DDX20: variants seen among roughly 807,000 people sequenced by gnomAD.
DDX20 encodes DEAD-box helicase 20, also known as probable ATP-dependent RNA helicase DDX20.
A neutral mutation model predicts 76.4 loss-of-function variants in DDX20; 61 were observed. The ratio of observed to expected loss-of-function variants is 0.80; its 90% CI spans 0.65 to 0.99. DDX20 has a LOEUF of 0.99. Ranked by LOEUF, DDX20 falls within the 50% of genes least tolerant of loss-of-function variation. The pLI, the probability that DDX20 is intolerant of heterozygous loss-of-function variation, is 0.00. For synonymous variants in DDX20, 357 were observed against 357.4 expected (o/e 1.00, Z 0.01); for missense variants, 976 against 996.8 (o/e 0.98, Z 0.28).
chr1:111,765,496 T>G (rs1663760419), intron 10 of DDX20, among the ~76,000 whole-genome samples: 1 of 152,144 alleles, frequency 6.6e-6, no homozygotes, highest in Non-Finnish European at 1.5e-5. Flanking sequence ...CTTTTTCTAG[T>G]GAGAGTGAGG....
chr1:111,760,275 G>A (rs550985011), intron 3 of DDX20, 199 bp from the exon 4 acceptor site: 23 of 457,032 alleles, frequency 5.0e-5, no homozygotes, highest in Middle Eastern at 1.1e-3. Flanking sequence ...GTGATGAAAC[G>A]TGAGGGGAAA....
chr1:111,760,864 A>G lies in DDX20; in HGVS notation c.823+16A>G. The G allele has an allele frequency of 6.3e-7, 1 of 1,598,704 alleles. No homozygotes were observed. The highest frequency in any genetic ancestry group is 8.5e-7 in the Non-Finnish European group (1 of 1,173,962). ...AGTCTCATAGGTGTGTACAGCTTTT[A>G]GGTACTTATATTATTGGTTTATTTG... On this transcript the variant is annotated intron_variant, in intron 5 of 10. Coordinates refer to ENST00000369702, the MANE Select transcript of DDX20 (RefSeq NM_007204.5).
Position 111,766,886 on chromosome 1 carries a change from A to C in DDX20, c.2462A>C (p.His821Pro). 6.2e-7 allele frequency: 1 copy of C among 1,608,826 alleles called. No individual in the cohort carries two copies. The highest frequency in any genetic ancestry group is 8.5e-7 in the Non-Finnish European group (1 of 1,177,948). ...MNTIYLQEMM[H>P]SNQ ...ACCATTTATCTACAAGAAATGATGC[A>C]TAGTAACCAGTGATTATAGGATATA... The change falls in exon 11 of 11, where the codon CAT (histidine) becomes CCT (proline). Residue 821 changes from histidine (H) to proline (P), a missense_variant. His to Pro is a moderately conservative substitution (Grantham distance 77). This residue lies in a region of DDX20 where 630 missense variants were observed against 693.7 expected (regional missense o/e 0.91). Transcript: ENST00000369702.
At chr1:111,758,630 G>C (rs1336396907) in intron 2 of DDX20, among the ~76,000 whole-genome samples, 1 of 151,770 alleles carries the variant, frequency 6.6e-6, no homozygotes, top group South Asian at 2.1e-4. Context: ...GCTTCCCCAG[G>C]GGTCATATAG....
In DDX20 at chr1:111,767,979, A is replaced by G. The variant is rs1261584716; in HGVS notation, c.*1080A>G. 1 of 152,226 alleles carries G rather than the reference A, an allele frequency of 6.6e-6. No individual in the cohort carries two copies. The allele number at this position is 152,226 out of a possible 1,614,324, so 9.4% of individuals were successfully genotyped here. A position where few individuals can be genotyped will look rare whatever the true frequency, so the allele number is the denominator to read the frequency against. On this transcript the variant is annotated 3_prime_UTR_variant, in exon 11 of 11. Coordinates refer to ENST00000369702, the MANE Select transcript of DDX20 (RefSeq NM_007204.5). ...GATGCATCTGTAAATTACGATTTAGAAAAATATAATTGGAAATTACATATT... is the reference window on the plus strand; with the variant it reads ...GATGCATCTGTAAATTACGATTTAGGAAAATATAATTGGAAATTACATATT...
At chr1:111,762,827 G>GATCTATA in intron 9 of DDX20, 45 bp downstream of exon 9, 1 of 1,498,426 alleles carries the variant, frequency 6.7e-7, no homozygotes, top group Non-Finnish European at 9.2e-7. Context: ...TAAGGGGAGG[G>GATCTATA]ATCTATAATG....
Position 111,762,937 on chromosome 1 carries a change from C to G in DDX20, c.1242C>G (p.Cys414Trp), listed in dbSNP as rs142254105. The change falls in exon 10 of 11, where the codon TGC becomes TGG. Residue 414 changes from cysteine (C) to tryptophan (W), a missense_variant. Coordinates refer to ENST00000369702, the MANE Select transcript of DDX20 (RefSeq NM_007204.5). Reference protein sequence around the residue: ...GTLGLTVTYCCRGEEENMMMR... With the variant: ...GTLGLTVTYCWRGEEENMMMR... Reference sequence around the variant, plus strand: ...TGGGGCTGACAGTGACCTACTGTTGCCGGGGAGAGGAAGAAAATATGATGA... The same window carrying G: ...TGGGGCTGACAGTGACCTACTGTTGGCGGGGAGAGGAAGAAAATATGATGA... 1.2e-6 allele frequency: 2 copies of G among 1,613,930 alleles called. No individual in the cohort carries two copies. The highest frequency in any genetic ancestry group is 4.5e-5 in the East Asian group (2 of 44,872).
At position 111,756,739 on chromosome 1, in the gene DDX20, A is replaced by C. The variant is rs755000185; in HGVS notation, c.395A>C (p.Gln132Pro). The C allele has an allele frequency of 1.9e-6, 3 of 1,613,360 alleles. No individual in the cohort carries two copies. The highest frequency in any genetic ancestry group is 2.2e-5 in the South Asian group (2 of 91,064). Reference protein sequence around the residue: ...DSLVLENLSTQILILAPTREI... With the variant: ...DSLVLENLSTPILILAPTREI... The stretch of plus-strand genomic sequence containing the variant: ...CTTGTTCTTGAAAACTTAAGTACCC[A>C]GGTGAGTTAGCTGAGAGGACCAGAG... Residue 132 changes from glutamine to proline, a missense_variant and splice_region_variant, in exon 2 of 11, where the codon CAG becomes CCG. Transcript: ENST00000369702.
chr1:111,756,325 T>A, intron 1 of DDX20, 100 bp downstream of exon 1: 1 of 1,268,844 alleles, frequency 7.9e-7, no homozygotes, highest in Non-Finnish European at 1.0e-6. Context: ...GGAAGAGCCC[T>A]CGGTCGGCCC....
chr1:111,765,836 C>T lies in DDX20; in HGVS notation c.1412C>T (p.Pro471Leu), dbSNP rs1470015696. 1.9e-6 allele frequency: 3 copies of T among 1,614,030 alleles called. No individual in the cohort carries two copies. The highest frequency in any genetic ancestry group is 1.6e-4 in the Middle Eastern group (1 of 6,062). Residue 471 changes from proline (P) to leucine (L), a missense_variant, in exon 11 of 11, where the codon CCC becomes CTC. Coordinates refer to ENST00000369702, the MANE Select transcript of DDX20 (RefSeq NM_007204.5). Reference protein sequence around the residue: ...TYGIASVPNQPLKKQIQKIER... With the variant: ...TYGIASVPNQLLKKQIQKIER... ...GGTATAGCAAGTGTACCTAACCAAC[C>T]CTTAAAAAAGCAAATTCAGAAAATA... is the stretch of plus-strand genomic sequence containing the variant.
At chr1:111,763,973 A>G (rs1250102555) in intron 10 of DDX20, among the ~76,000 whole-genome samples, 2 of 152,188 alleles carry the variant, frequency 1.3e-5, no homozygotes, top group African/African-American at 4.8e-5. Context: ...GTGTCTATTC[A>G]TATATAGATG....
chr1:111,756,266 G>GGGGCC, intron 1 of DDX20, 41 bp downstream of exon 1: 4 of 842,522 alleles, frequency 4.7e-6, no homozygotes, highest in South Asian at 2.0e-5. Context: ...GGTGGGGTGG[G>GGGGCC]AGAAGGGGGA....
chr1:111,761,141 A>C lies in DDX20; in HGVS notation c.962+16A>C, dbSNP rs1663666612. On this transcript the variant is annotated intron_variant, in intron 6 of 10. Coordinates refer to ENST00000369702, the MANE Select transcript of DDX20 (RefSeq NM_007204.5). ...TGCACAGCAGGTAATGTAACTTAAA[A>C]GGTCATCTGGGGAACTTGTGAAATA... 6.2e-7 allele frequency: 1 copy of C among 1,612,540 alleles called. No individual in the cohort carries two copies. The highest frequency in any genetic ancestry group is 8.5e-7 in the Non-Finnish European group (1 of 1,179,260).
rs778879441 is a variant in DDX20, at chr1:111,765,874, C to G, written c.1450C>G (p.Gln484Glu). The change falls in exon 11 of 11, where the codon CAA becomes GAA. Residue 484 changes from glutamine (Q) to glutamate (E), a missense_variant. Gln to Glu is a conservative substitution (Grantham distance 29). Transcript: ENST00000369702. Reference protein sequence around the residue: ...KQIQKIERTLQIQKAHGDHMA... With the variant: ...KQIQKIERTLEIQKAHGDHMA... ...AATTCAGAAAATAGAGAGAACCCTT[C>G]AAATTCAGAAAGCTCATGGTGACCA... is the stretch of plus-strand genomic sequence containing the variant. 1 of 1,614,128 alleles carries G rather than the reference C, an allele frequency of 6.2e-7. No individual in the cohort carries two copies. Among genetic ancestry groups the G allele is most frequent in the Admixed American group, 1.7e-5 (1 of 60,016 alleles).
chr1:111,766,487 C>A lies in DDX20; in HGVS notation c.2063C>A (p.Thr688Lys). Residue 688 changes from threonine to lysine, a missense_variant, in exon 11 of 11, where the codon ACG becomes AAG. Transcript: ENST00000369702. ...SDNQLKDSES[T>K]PVDDRISLEQ... The stretch of plus-strand genomic sequence containing the variant: ...AATCAGCTGAAAGACTCTGAATCTA[C>A]GCCTGTGGATGATCGTATTTCTTTG... 6.2e-7 allele frequency: 1 copy of A among 1,614,104 alleles called. No individual in the cohort carries two copies. The highest frequency in any genetic ancestry group is 2.2e-5 in the East Asian group (1 of 44,880).
intron 3 of DDX20, among the ~76,000 whole-genome samples, chr1:111,759,867 G>T (rs911612950): frequency 1.3e-5 from 2 of 150,642 alleles, no homozygotes; most frequent in African/African-American, 4.9e-5. Flanking sequence ...CCAGCTACTC[G>T]GGAGGCTGAG....
chr1:111,756,070 C>A lies in DDX20; in HGVS notation c.146C>A (p.Pro49Gln). ...CGGACCGCTCAGGATCTCAGCAGCCCGCGGACCCGCACGGGGGATGTGCTG... is the reference window on the plus strand; with the variant it reads ...CGGACCGCTCAGGATCTCAGCAGCCAGCGGACCCGCACGGGGGATGTGCTG... ...ILRTAQDLSS[P>Q]RTRTGDVLLA... Residue 49 changes from proline (P) to glutamine (Q), a missense_variant, in exon 1 of 11, where the codon CCG (proline) becomes CAG (glutamine). By Grantham distance (76) the Pro-to-Gln change is moderately conservative. Transcript: ENST00000369702. 1 of 1,607,230 alleles carries A rather than the reference C, an allele frequency of 6.2e-7. No homozygotes were observed. Among genetic ancestry groups the A allele is most frequent in the Non-Finnish European group, 8.5e-7 (1 of 1,179,262 alleles).
chr1:111,766,141 C>T lies in DDX20; in HGVS notation c.1717C>T (p.Pro573Ser). 1 of 1,614,134 alleles carries T rather than the reference C, an allele frequency of 6.2e-7. No individual in the cohort carries two copies. Among genetic ancestry groups the T allele is most frequent in the South Asian group, 1.1e-5 (1 of 91,084 alleles). Residue 573 changes from proline (P) to serine (S), a missense_variant, in exon 11 of 11, where the codon CCC becomes TCC. By Grantham distance (74) the Pro-to-Ser change is moderately conservative (BLOSUM62 -1). Coordinates refer to ENST00000369702, the MANE Select transcript of DDX20 (RefSeq NM_007204.5). ...QVKEALPVSLPQIPCLSSFKI... is the reference protein window; with the variant it reads ...QVKEALPVSLSQIPCLSSFKI... ...CAAAGAAGCTTTACCTGTGTCACTC[C>T]CCCAGATTCCTTGTCTGTCTTCCTT...
Position 111,761,057 on chromosome 1 carries a change from G to C in DDX20, c.894G>C (p.Gln298His). 6.2e-7 allele frequency: 1 copy of C among 1,613,926 alleles called. No individual in the cohort carries two copies. The highest frequency in any genetic ancestry group is 1.1e-5 in the South Asian group (1 of 91,078). ...LAHKVFEEKT[Q>H]HLQELFSRIP... ...ATAAGGTTTTTGAGGAAAAGACTCA[G>C]CATTTACAGGAACTGTTCAGCAGAA... The change falls in exon 6 of 11, where the codon CAG becomes CAC. Residue 298 changes from glutamine to histidine, a missense_variant. Coordinates refer to ENST00000369702, the MANE Select transcript of DDX20 (RefSeq NM_007204.5).
Sources: gnomAD v4.1 joint callset for allele counts (sites outside exome capture counted in the v4.1 genomes callset) on GRCh38, gnomAD v4.1.1 for gene constraint, gnomAD v4.1.1 regional missense constraint, MANE v1.5 for transcripts, NCBI Gene and HGNC (gene_info 2026-07-23, HGNC 2026-07-21) for gene names.